The following KIF13A variants were observed in gnomAD, a reference collection of about 807,000 sequenced individuals.
KIF13A encodes kinesin family member 13A.
Under a neutral mutation model 212.2 loss-of-function variants are expected in KIF13A, and 79 were observed. The observed-to-expected ratio is 0.37, with a 90% CI of 0.31 to 0.45. The LOEUF (loss-of-function observed/expected upper bound fraction) is 0.45. Among genes scored for constraint, KIF13A ranks in the 20% least tolerant of loss-of-function variants. The probability of loss-of-function intolerance (pLI) is 1.00; values close to 1 mark genes in which losing one functional copy is unlikely to be tolerated. For missense variants in KIF13A, 1,901 were observed against 2,209.0 expected, an observed-to-expected ratio of 0.86 and a Z score of 2.79; for synonymous variants, 789 against 808.6, an observed-to-expected ratio of 0.98 and a Z score of 0.41.
chr6:17,919,126 C>A lies in KIF13A; in HGVS notation c.147-20946G>T, dbSNP rs1008418728. ...GGTGATGTTTCCCTGAATAACTCCACTCTTTGGATTGAAGACCAAGTAAAC... is the reference window on the plus strand; with the variant it reads ...GGTGATGTTTCCCTGAATAACTCCAATCTTTGGATTGAAGACCAAGTAAAC... On this transcript the variant is annotated intron_variant, in intron 2 of 38. Transcript: ENST00000259711. The surrounding 1 kb of genome is among the most constrained non-coding windows in gnomAD (Gnocchi z 4.1). Among the ~76,000 whole-genome samples the A allele has an allele frequency of 6.6e-6, 1 of 152,178 alleles. No homozygotes were observed. Among genetic ancestry groups the A allele is most frequent in the Non-Finnish European group, 1.5e-5 (1 of 68,036 alleles).
In KIF13A at chr6:17,851,940, A is replaced by T. The variant is rs756594008; in HGVS notation, c.582+15T>A. 1 of 1,411,168 alleles carries T rather than the reference A, an allele frequency of 7.1e-7. No individual in the cohort carries two copies. Among genetic ancestry groups the T allele is most frequent in the Non-Finnish European group, 9.5e-7 (1 of 1,054,150 alleles). 87.4% of individuals were successfully genotyped at this position (1,411,168 alleles called of 1,614,324 possible). ...ATAGTCAGCTTTTAATCACATTTTA[A>T]AAAAAATGACTTACCTCAAAACTAG... is the stretch of plus-strand genomic sequence containing the variant. On this transcript the variant is annotated intron_variant, in intron 7 of 38. Coordinates refer to ENST00000259711, the MANE Select transcript of KIF13A (RefSeq NM_022113.6).
In KIF13A at chr6:17,912,530, C is replaced by G. The variant is rs1774166519; in HGVS notation, c.147-14350G>C. Among the ~76,000 whole-genome samples, 2 of 152,242 alleles carry G rather than the reference C, an allele frequency of 1.3e-5. No homozygotes were observed. The highest frequency in any genetic ancestry group is 2.9e-5 in the Non-Finnish European group (2 of 68,054). Reference sequence around the variant, plus strand: ...TGTTCTCACCCTAAGCACTTATTAGCATATAGACAATGCTTATTAAATTCT... The same window carrying G: ...TGTTCTCACCCTAAGCACTTATTAGGATATAGACAATGCTTATTAAATTCT... On this transcript the variant is annotated intron_variant, in intron 2 of 38. Transcript: ENST00000259711. The surrounding 1 kb of genome is among the most constrained non-coding windows in gnomAD (Gnocchi z 4.2).
At chr6:17,836,855 A>C in intron 11 of KIF13A, 23 bp downstream of exon 11, 2 of 1,605,374 alleles carry the variant, frequency 1.2e-6, no homozygotes, top group Admixed American at 3.3e-5. Flanking sequence ...CTTTACCAGC[A>C]GGGAGTACCA....
chr6:17,850,475 G>C lies in KIF13A; in HGVS notation c.583-18C>G, dbSNP rs1767530709. The C allele has an allele frequency of 6.2e-7, 1 of 1,603,010 alleles. No individual in the cohort carries two copies. Among genetic ancestry groups the C allele is most frequent in the Admixed American group, 1.7e-5 (1 of 57,744 alleles). On this transcript the variant is annotated intron_variant, in intron 7 of 38. Transcript: ENST00000259711. This position sits in a 1 kb window ranked among gnomAD's most constrained non-coding sequence, Gnocchi z 6.2. ...TCAATATCCTAGGGGCAAAGCATAA[G>C]GAAAAGACCATAAGCAAAAACACAA...
At position 17,771,190 on chromosome 6, in the gene KIF13A, G is replaced by C; in HGVS notation, c.4505C>G (p.Pro1502Arg). 1.2e-6 allele frequency: 2 copies of C among 1,613,078 alleles called. No individual in the cohort carries two copies. Among genetic ancestry groups the C allele is most frequent in the Non-Finnish European group, 1.7e-6 (2 of 1,179,536 alleles). The part of the protein sequence containing the change: ...ESMPPPQAHN[P>R]GCIVPSGSNG... ...GCTTCCTGAGGGTACAATGCAGCCA[G>C]GGTTATGTGCCTGAGGTGGAGGCAT... The change falls in exon 38 of 39, where the codon CCT becomes CGT. Residue 1502 changes from proline to arginine, a missense_variant. Pro to Arg is a moderately radical substitution (Grantham distance 103, BLOSUM62 -2). Coordinates refer to ENST00000259711, the MANE Select transcript of KIF13A (RefSeq NM_022113.6). This position sits in a 1 kb window ranked among gnomAD's most constrained non-coding sequence, Gnocchi z 5.4.
At chr6:17,911,918 C>T (rs1440650745) in intron 2 of KIF13A, among the ~76,000 whole-genome samples, 1 of 152,056 alleles carries the variant, frequency 6.6e-6, no homozygotes, top group African/African-American at 2.4e-5. Flanking sequence ...GAATGCACCA[C>T]CATGCCCAGC....
chr6:17,890,558 C>T (rs866302713), intron 3 of KIF13A, among the ~76,000 whole-genome samples: 44 of 151,898 alleles, frequency 2.9e-4, no homozygotes, highest in African/African-American at 9.7e-4. Flanking sequence ...TCCTCTGCAC[C>T]ACCTCCTGCC....
intron 12 of KIF13A, 99 bp downstream of exon 12, chr6:17,833,855 CAAAAAAA>C (rs11358140): frequency 2.2e-5 from 8 of 365,540 alleles, no homozygotes; most frequent in African/African-American, 1.2e-4. Flanking sequence ...GACTCCGTCT[CAAAAAAA>C]AAAAAAAAAA....
chr6:17,764,249 C>G lies in KIF13A; in HGVS notation c.5279G>C (p.Ser1760Thr). The G allele has an allele frequency of 1.2e-6, 2 of 1,614,024 alleles. No homozygotes were observed. Among genetic ancestry groups the G allele is most frequent in the Non-Finnish European group, 1.7e-6 (2 of 1,179,896 alleles). Residue 1760 changes from serine to threonine, a missense_variant, in exon 39 of 39, where the codon AGT becomes ACT. Ser to Thr is a moderately conservative substitution (Grantham distance 58). Transcript: ENST00000259711. This position sits in a 1 kb window ranked among gnomAD's most constrained non-coding sequence, Gnocchi z 5.1. ...LTDSSAGELSSRRSLPNKTGG... is the reference protein window; with the variant it reads ...LTDSSAGELSTRRSLPNKTGG... ...TGTTTTATTTGGTAGACTCCTCCTA[C>G]TGGAAAGCTCTCCAGCAGAAGAATC... is the stretch of plus-strand genomic sequence containing the variant.
At chr6:17,980,190 A>G (rs1780936826) in intron 2 of KIF13A, among the ~76,000 whole-genome samples, 1 of 152,220 alleles carries the variant, frequency 6.6e-6, no homozygotes, top group Admixed American at 6.5e-5. Context: ...ATAACTTCTC[A>G]ACAGAAGCAC....
intron 17 of KIF13A, chr6:17,815,568 T>G (rs904599290): frequency 4.7e-6 from 2 of 423,620 alleles, no homozygotes; most frequent in South Asian, 3.4e-5. Context: ...CTTACACTTG[T>G]CTTCTGGTCA....
In KIF13A at chr6:17,789,959, C is replaced by A; in HGVS notation, c.3223-49G>T. 6.9e-7 allele frequency: 1 copy of A among 1,448,350 alleles called. No homozygotes were observed. Among genetic ancestry groups the A allele is most frequent in the Non-Finnish European group, 9.7e-7 (1 of 1,031,848 alleles). 89.7% of individuals were successfully genotyped at this position (1,448,350 alleles called of 1,614,324 possible). A position where few individuals can be genotyped will look rare whatever the true frequency, so the allele number is the denominator to read the frequency against. On this transcript the variant is annotated intron_variant, in intron 25 of 38. Transcript: ENST00000259711. The surrounding 1 kb of genome is among the most constrained non-coding windows in gnomAD (Gnocchi z 4.8). ...AGGACAAGCATTTTGTTTTTCAAAC[C>A]ACATACAGGGAAAATAATTATTTAA...
At chr6:17,894,578 T>C (rs1280062583) in intron 3 of KIF13A, among the ~76,000 whole-genome samples, 8 of 152,178 alleles carry the variant, frequency 5.3e-5, no homozygotes, top group Non-Finnish European at 1.0e-4. Context: ...TAGTCTCGCT[T>C]GTCCCCACTC....
At chr6:17,925,068 A>G (rs1322605297) in intron 2 of KIF13A, among the ~76,000 whole-genome samples, 1 of 152,178 alleles carries the variant, frequency 6.6e-6, no homozygotes, top group Non-Finnish European at 1.5e-5. Flanking sequence ...CGCTCCCCCA[A>G]AAGAGAAAAA....
chr6:17,804,604 A>G, intron 19 of KIF13A, 94 bp from the exon 20 acceptor site: 1 of 1,191,550 alleles, frequency 8.4e-7, no homozygotes, highest in Non-Finnish European at 1.1e-6. Context: ...AAAAAAATTT[A>G]AAGAATCTAT....
rs1392935841 is a variant in KIF13A at position 17,918,195 on chromosome 6, A to T, written c.147-20015T>A. 6.6e-6 allele frequency among the ~76,000 whole-genome samples: 1 copy of T among 151,842 alleles called. No homozygotes were observed. The highest frequency in any genetic ancestry group is 1.5e-5 in the Non-Finnish European group (1 of 67,970). On this transcript the variant is annotated intron_variant, in intron 2 of 38. Transcript: ENST00000259711. The surrounding 1 kb of genome is among the most constrained non-coding windows in gnomAD (Gnocchi z 4.8). ...GGCTAGAGACACCCATCTCGTTCCA[A>T]GCAGAGGCCGGGTCACACTCACCCT...
At position 17,934,303 on chromosome 6, in the gene KIF13A, A is replaced by G. The variant is rs1041792394; in HGVS notation, c.147-36123T>C. On this transcript the variant is annotated intron_variant, in intron 2 of 38. Transcript: ENST00000259711. The surrounding 1 kb of genome is among the most constrained non-coding windows in gnomAD (Gnocchi z 5.4). ...CGGCTTGTAGCGTGCACTTGCAGGT[A>G]GGCAAGAAAAGAAACCTACACCAGT... Among the ~76,000 whole-genome samples the G allele has an allele frequency of 6.6e-6, 1 of 152,164 alleles. No homozygotes were observed. The highest frequency in any genetic ancestry group is 2.4e-5 in the African/African-American group (1 of 41,428).
intron 20 of KIF13A, among the ~76,000 whole-genome samples, chr6:17,803,109 T>C (rs1321807361): frequency 6.6e-6 from 1 of 151,992 alleles, no homozygotes; most frequent in Non-Finnish European, 1.5e-5. Flanking sequence ...AATTTTTTTG[T>C]ATTTTTAGTA....
In KIF13A at chr6:17,834,336, T is replaced by C. The variant is rs1311089067; in HGVS notation, c.1156-265A>G. On this transcript the variant is annotated intron_variant, in intron 11 of 38. Coordinates refer to ENST00000259711, the MANE Select transcript of KIF13A (RefSeq NM_022113.6). The surrounding 1 kb of genome is among the most constrained non-coding windows in gnomAD (Gnocchi z 4.0). ...ATCCATTATACTTAAATTTCACATT[T>C]AAAGCCCTAAAAGATGCTAACGTTC... Among the ~76,000 whole-genome samples the C allele has an allele frequency of 2.0e-5, 3 of 152,242 alleles. No homozygotes were observed. Among genetic ancestry groups the C allele is most frequent in the African/African-American group, 7.2e-5 (3 of 41,466 alleles).
Sources: allele counts gnomAD v4.1 joint callset (sites outside exome capture counted in the v4.1 genomes callset), GRCh38; gene constraint gnomAD v4.1.1; non-coding constraint Gnocchi (gnomAD v3.1); transcripts MANE v1.5; gene names NCBI Gene and HGNC (gene_info 2026-07-23, HGNC 2026-07-21).